Variants in NCALD observed in about 807,000 individuals in gnomAD.
NCALD encodes neurocalcin-delta.
Under a neutral mutation model 18.6 loss-of-function variants are expected in NCALD, and 10 were observed. The observed-to-expected ratio is 0.54, with a 90% CI of 0.33 to 0.91. NCALD has a LOEUF of 0.91. Ranked by LOEUF, NCALD falls within the 40% of genes least tolerant of loss-of-function variation. The pLI, the probability that NCALD is intolerant of heterozygous loss-of-function variation, is 0.03. For missense variants in NCALD, 184 were observed against 247.6 expected (o/e 0.74, Z 1.72); for synonymous variants, 88 against 87.4 (o/e 1.01, Z -0.04).
intron 2 of NCALD, among the ~76,000 whole-genome samples, chr8:101,916,629 T>C (rs957780496): frequency 5.9e-5 from 9 of 152,020 alleles, no homozygotes; most frequent in Non-Finnish European, 8.8e-5. Context: ...AAGAGACCCA[T>C]AGGCTCAAAG....
chr8:101,705,479 C>A (rs1303514041), intron 2 of NCALD, among the ~76,000 whole-genome samples: 1 of 151,988 alleles, frequency 6.6e-6, no homozygotes, highest in African/African-American at 2.4e-5. Context: ...GCTTTCTAAT[C>A]CCACACAATC....
intron 1 of NCALD, among the ~76,000 whole-genome samples, chr8:101,746,569 G>A (rs1810433761): frequency 6.6e-6 from 1 of 152,098 alleles, no homozygotes; most frequent in Non-Finnish European, 1.5e-5. Context: ...TCAGATTCCT[G>A]TGTTGAGATT....
intron 3 of NCALD, among the ~76,000 whole-genome samples, chr8:101,893,550 T>C (rs1401474379): frequency 4.1e-5 from 5 of 122,154 alleles, no homozygotes; most frequent in African/African-American, 1.1e-4. Context: ...AATGCTCCAA[T>C]TAAAAGACAC....
At chr8:102,036,150 T>TAAA (rs1563562289) in intron 1 of NCALD, among the ~76,000 whole-genome samples, 2 of 151,110 alleles carry the variant, frequency 1.3e-5, no homozygotes, top group Non-Finnish European at 2.9e-5. Context: ...AATAAATTAA[T>TAAA]TAATTAATTA....
intron 2 of NCALD, among the ~76,000 whole-genome samples, chr8:101,941,981 T>G (rs1228576840): frequency 1.3e-5 from 2 of 152,246 alleles, no homozygotes; most frequent in African/African-American, 4.8e-5. Flanking sequence ...CTCATCTTTT[T>G]CTCAGAGGAA....
rs532327217 is a variant in NCALD at position 101,733,750 on chromosome 8, C to T, written c.-19-14102G>A. Among the ~76,000 whole-genome samples, 3 of 152,212 alleles carry T rather than the reference C, an allele frequency of 2.0e-5. No individual in the cohort carries two copies. The East Asian group carries it at 5.8e-4, about 29-fold the overall frequency. ...GAGAGAACCACTGTTGGCTTCCAGC[C>T]CGACTCCCCTCCTCAGATTGCTAGC... On this transcript the variant is annotated intron_variant, in intron 1 of 3. Transcript: ENST00000220931.
intron 2 of NCALD, among the ~76,000 whole-genome samples, chr8:101,699,921 T>A (rs112886648): frequency 1.5e-4 from 23 of 152,168 alleles, no homozygotes; most frequent in African/African-American, 5.3e-4. Flanking sequence ...AGTAAAATTT[T>A]AAAAAAAGAA....
At chr8:102,018,484 A>C (rs1386206897) in intron 2 of NCALD, among the ~76,000 whole-genome samples, 1 of 152,202 alleles carries the variant, frequency 6.6e-6, no homozygotes, top group Non-Finnish European at 1.5e-5. Flanking sequence ...AAGTGAAAAA[A>C]TCTGAAACAA....
intron 3 of NCALD, among the ~76,000 whole-genome samples, chr8:101,891,918 C>T (rs947643873): frequency 3.2e-4 from 49 of 152,274 alleles, no homozygotes; most frequent in East Asian, 1.7e-3. Context: ...AACTGCAAGG[C>T]GGCAGCGAGG....
chr8:101,821,613 A>G (rs1361137373), intron 4 of NCALD, among the ~76,000 whole-genome samples: 2 of 152,142 alleles, frequency 1.3e-5, no homozygotes, highest in Admixed American at 1.3e-4. Flanking sequence ...GGTCCTGTTT[A>G]GGATTCAGAG....
chr8:101,908,316 T>C (rs1817677036), intron 3 of NCALD, among the ~76,000 whole-genome samples: 1 of 152,202 alleles, frequency 6.6e-6, no homozygotes, highest in Non-Finnish European at 1.5e-5. Flanking sequence ...CTTCCAGTTT[T>C]ATGTGCTTGG....
chr8:101,909,364 T>C (rs1189926326), intron 3 of NCALD, among the ~76,000 whole-genome samples: 1 of 152,190 alleles, frequency 6.6e-6, no homozygotes, highest in Admixed American at 6.5e-5. Flanking sequence ...GGTACAGATA[T>C]TGGACAACAC....
chr8:101,925,551 G>A (rs1056634580), intron 2 of NCALD, among the ~76,000 whole-genome samples: 5 of 151,932 alleles, frequency 3.3e-5, no homozygotes, highest in Admixed American at 2.6e-4. Flanking sequence ...TTGCCACTTC[G>A]GGTTATGTAT....
At chr8:101,722,573 T>G (rs531354651) in intron 1 of NCALD, among the ~76,000 whole-genome samples, 1 of 152,372 alleles carries the variant, frequency 6.6e-6, no homozygotes, top group South Asian at 2.1e-4. Context: ...TTCTGATATT[T>G]AAATCTACTC....
At chr8:101,912,133 AAAAT>A (rs1325342875) in intron 3 of NCALD, among the ~76,000 whole-genome samples, 4 of 152,218 alleles carry the variant, frequency 2.6e-5, no homozygotes, top group Non-Finnish European at 5.9e-5. Flanking sequence ...AAAATTAGTG[AAAAT>A]AAATATTGAA....
intron 1 of NCALD, among the ~76,000 whole-genome samples, chr8:102,021,585 G>A (rs1021891599): frequency 6.6e-6 from 1 of 152,168 alleles, no homozygotes. Context: ...GCTGAGGTGG[G>A]TGGGGGTCAA....
intron 1 of NCALD, among the ~76,000 whole-genome samples, chr8:102,043,351 G>A (rs1394740269): frequency 6.6e-6 from 1 of 151,704 alleles, no homozygotes; most frequent in African/African-American, 2.4e-5. Flanking sequence ...TTTTGTTTTT[G>A]GTGTTCTTCC....
At chr8:101,695,376 C>T (rs568377268) in intron 2 of NCALD, among the ~76,000 whole-genome samples, 1 of 152,328 alleles carries the variant, frequency 6.6e-6, no homozygotes, top group Admixed American at 6.5e-5. Flanking sequence ...GTAAGTTTGT[C>T]TCACGTGGTC....
At chr8:102,098,876 G>A (rs1825185556) in intron 1 of NCALD, among the ~76,000 whole-genome samples, 1 of 152,200 alleles carries the variant, frequency 6.6e-6, no homozygotes, top group African/African-American at 2.4e-5. Flanking sequence ...GCTCAGGGAT[G>A]AGCATGTAAC....
Sources: allele counts gnomAD v4.1 joint callset (sites outside exome capture counted in the v4.1 genomes callset), GRCh38; gene constraint gnomAD v4.1.1; transcripts MANE v1.5; gene names NCBI Gene and HGNC (gene_info 2026-07-23, HGNC 2026-07-21).